Variants in ARHGAP28 observed in about 807,000 individuals in gnomAD.
ARHGAP28 encodes the protein Rho GTPase activating protein 28, also known as rho GTPase-activating protein 28.
In ARHGAP28, 56 loss-of-function variants were observed where a neutral mutation model predicts 90.7. That is an observed-to-expected ratio of 0.62 (90% CI 0.50 to 0.77). The LOEUF (loss-of-function observed/expected upper bound fraction) is 0.77. Ranked by LOEUF, ARHGAP28 falls within the 30% of genes least tolerant of loss-of-function variation. The pLI is 0.00. For synonymous variants in ARHGAP28, 308 were observed against 323.3 expected, an observed-to-expected ratio of 0.95 and a Z score of 0.51; for missense variants, 869 against 900.9, an observed-to-expected ratio of 0.96 and a Z score of 0.45.
chr18:6,878,304 A>G (rs2057149184), intron 10 of ARHGAP28, among the ~76,000 whole-genome samples: 1 of 133,782 alleles, frequency 7.5e-6, no homozygotes, highest in Admixed American at 8.9e-5. Context: ...ATGAGAACAC[A>G]TGGACACAGG....
At chr18:6,879,660 C>T (rs1283596670) in intron 10 of ARHGAP28, among the ~76,000 whole-genome samples, 4 of 152,192 alleles carry the variant, frequency 2.6e-5, no homozygotes, top group African/African-American at 7.2e-5. Flanking sequence ...ACAGTCACGC[C>T]GCATACGCGT....
At chr18:6,811,206 A>G (rs1323754101) in intron 1 of ARHGAP28, among the ~76,000 whole-genome samples, 1 of 152,184 alleles carries the variant, frequency 6.6e-6, no homozygotes, top group African/African-American at 2.4e-5. Flanking sequence ...TGCTGCTGCA[A>G]CTGGGGTCAC....
rs556552609 is a variant in ARHGAP28, at chr18:6,779,265, C to A, written c.123-45497C>A. 3.4e-4 allele frequency among the ~76,000 whole-genome samples: 52 copies of A among 152,156 alleles called. 1 individual carries two copies. The highest frequency in any genetic ancestry group is 1.0e-3 in the African/African-American group (42 of 41,482). ...CTGCATCATGTTATCTGGAAAATTA[C>A]CCCAAATTGCAGTATTAAGATAGAT... On this transcript the variant is annotated intron_variant, in intron 1 of 17. Transcript: ENST00000383472.
rs1164919642 is a variant in ARHGAP28 at position 6,896,528 on chromosome 18, G to A, written c.1932G>A (p.Arg644=). ...CTGACGTGCCGGAAGGAGTCATACGGGTCCATGCTCCACTTCTCTCCAAGG... is the reference window on the plus strand; with the variant it reads ...CTGACGTGCCGGAAGGAGTCATACGAGTCCATGCTCCACTTCTCTCCAAGG... The part of the protein sequence containing the change: ...RMSDVPEGVI[R]VHAPLLSKVS... Residue 644 remains arginine, a synonymous_variant, in exon 16 of 18, where the codon CGG becomes CGA. Transcript: ENST00000383472. The A allele has an allele frequency of 1.9e-6, 3 of 1,613,886 alleles. No homozygotes were observed. The highest frequency in any genetic ancestry group is 2.2e-5 in the East Asian group (1 of 44,892).
chr18:6,832,680 C>A (rs566941808), intron 2 of ARHGAP28, among the ~76,000 whole-genome samples: 109 of 152,058 alleles, frequency 7.2e-4, no homozygotes, highest in African/African-American at 2.5e-3. Flanking sequence ...TATTCCCTGT[C>A]TTGAAGTCTG....
chr18:6,817,991 A>G (rs1164973846), intron 1 of ARHGAP28, among the ~76,000 whole-genome samples: 1 of 152,216 alleles, frequency 6.6e-6, no homozygotes, highest in African/African-American at 2.4e-5. Context: ...TTTAGCACCC[A>G]TGATAGCCAC....
At position 6,729,928 on chromosome 18, in the gene ARHGAP28, G is replaced by C. The variant is rs1414376416; in HGVS notation, c.107G>C (p.Ser36Thr). The C allele has an allele frequency of 8.6e-6, 12 of 1,392,884 alleles. No individual in the cohort carries two copies. The highest frequency in any genetic ancestry group is 1.1e-5 in the Non-Finnish European group (12 of 1,076,446). The allele number at this position is 1,392,884 out of a possible 1,614,324, so 86.3% of individuals were successfully genotyped here. The change falls in exon 1 of 18, where the codon AGC becomes ACC. Residue 36 changes from serine (S) to threonine (T), a missense_variant. Coordinates refer to ENST00000383472, the MANE Select transcript of ARHGAP28 (RefSeq NM_001366230.1). ...ESRCAPRAAA[S>T]HPLSRKSIPR... ...CGCTGCGCGCCCCGCGCCGCAGCCA[G>C]CCACCCGCTCAGCAGGTACCCGGAG...
chr18:6,838,055 CTGT>C (rs1181955179), intron 3 of ARHGAP28, among the ~76,000 whole-genome samples: 2 of 152,200 alleles, frequency 1.3e-5, no homozygotes, highest in Non-Finnish European at 1.5e-5. Flanking sequence ...ACTGCTAGCT[CTGT>C]CTTATAGCTT....
chr18:6,749,711 AT>A (rs1381339480), intron 1 of ARHGAP28, among the ~76,000 whole-genome samples: 1 of 152,130 alleles, frequency 6.6e-6, no homozygotes, highest in East Asian at 1.9e-4. Context: ...GCATCCATAG[AT>A]TCAGGATTGT....
chr18:6,868,839 G>A (rs1014733685), intron 6 of ARHGAP28, among the ~76,000 whole-genome samples: 1 of 152,032 alleles, frequency 6.6e-6, no homozygotes, highest in African/African-American at 2.4e-5. Flanking sequence ...AAGGTGCTGA[G>A]GTGATGAAAA....
chr18:6,765,731 A>G (rs2056195056), intron 1 of ARHGAP28, among the ~76,000 whole-genome samples: 1 of 152,092 alleles, frequency 6.6e-6, no homozygotes, highest in African/African-American at 2.4e-5. Flanking sequence ...TCTCTCTTCT[A>G]TTTTAATATA....
chr18:6,902,579 T>A, intron 16 of ARHGAP28, among the ~76,000 whole-genome samples: 1 of 152,212 alleles, frequency 6.6e-6, no homozygotes, highest in Non-Finnish European at 1.5e-5. Flanking sequence ...CTTTAACTTA[T>A]GTGATTTTGA....
At chr18:6,770,612 C>T (rs1428629189) in intron 1 of ARHGAP28, among the ~76,000 whole-genome samples, 1 of 152,162 alleles carries the variant, frequency 6.6e-6, no homozygotes, top group Admixed American at 6.5e-5. Flanking sequence ...TCTCTTGCTC[C>T]ACATAGACTG....
chr18:6,885,412 C>G (rs1333566625), intron 11 of ARHGAP28, among the ~76,000 whole-genome samples: 1 of 152,146 alleles, frequency 6.6e-6, no homozygotes, highest in Non-Finnish European at 1.5e-5. Context: ...TCTCAATACC[C>G]TCAAATGGAG....
At chr18:6,815,264 A>G (rs1007917822) in intron 1 of ARHGAP28, among the ~76,000 whole-genome samples, 3 of 152,348 alleles carry the variant, frequency 2.0e-5, no homozygotes, top group South Asian at 2.1e-4. Context: ...AGGGAGCAAG[A>G]TCATTTCCTA....
intron 3 of ARHGAP28, among the ~76,000 whole-genome samples, chr18:6,840,830 A>T (rs1420403018): frequency 6.6e-6 from 1 of 152,198 alleles, no homozygotes; most frequent in Non-Finnish European, 1.5e-5. Flanking sequence ...AAATGAAATC[A>T]GTGTAAGTTT....
At chr18:6,895,016 C>A in intron 15 of ARHGAP28, 125 bp downstream of exon 15, 2 of 962,678 alleles carry the variant, frequency 2.1e-6, no homozygotes, top group Non-Finnish European at 3.3e-6. Context: ...TTCAATGTGG[C>A]ACATAAAGGA....
At chr18:6,751,365 G>A (rs2056067793) in intron 1 of ARHGAP28, among the ~76,000 whole-genome samples, 2 of 151,952 alleles carry the variant, frequency 1.3e-5, no homozygotes, top group Admixed American at 1.3e-4. Context: ...GAAAGAGAAA[G>A]GAAATGCTTT....
At chr18:6,830,035 A>G (rs1432352506) in intron 2 of ARHGAP28, among the ~76,000 whole-genome samples, 1 of 152,116 alleles carries the variant, frequency 6.6e-6, no homozygotes, top group African/African-American at 2.4e-5. Context: ...TTCTGTCTCC[A>G]TAGTCCATAG....
Sources: allele counts gnomAD v4.1 joint callset (sites outside exome capture counted in the v4.1 genomes callset), GRCh38; gene constraint gnomAD v4.1.1; transcripts MANE v1.5; gene names NCBI Gene and HGNC (gene_info 2026-07-23, HGNC 2026-07-21).